The following LITAF variants were observed in gnomAD, a reference collection of about 807,000 sequenced individuals.
LITAF encodes lipopolysaccharide-induced tumor necrosis factor-alpha factor.
Under a neutral mutation model 14.5 loss-of-function variants are expected in LITAF, and 9 were observed. The observed-to-expected ratio is 0.62, with a 90% confidence interval of 0.37 to 1.08. LITAF has a LOEUF of 1.08. LITAF is among the 50% of genes least tolerant of loss of function. The pLI is 0.01. For missense variants in LITAF, 206 were observed against 213.4 expected (o/e 0.97, Z 0.22); for synonymous variants, 98 against 88.2 (o/e 1.11, Z -0.62).
intron 3 of LITAF, among the ~76,000 whole-genome samples, chr16:11,552,615 C>T (rs531194532): frequency 2.0e-5 from 3 of 152,248 alleles, no homozygotes; most frequent in Admixed American, 6.5e-5. Context: ...ACATGCAGGG[C>T]GTGGTTTCAG....
chr16:11,560,972 G>A (rs907233940), intron 1 of LITAF, among the ~76,000 whole-genome samples: 3 of 152,126 alleles, frequency 2.0e-5, no homozygotes, highest in Non-Finnish European at 4.4e-5. Flanking sequence ...AGATGACCCC[G>A]GGAACCCCTG....
chr16:11,553,402 T>C lies in LITAF; in HGVS notation c.377+131A>G. The stretch of plus-strand genomic sequence containing the variant: ...CTCCAGCCTGGGCGACAGAACCAGA[T>C]TCCATCTCAAAAAAAAACAACACAA... On this transcript the variant is annotated intron_variant, in intron 3 of 3. Coordinates refer to ENST00000622633, the MANE Select transcript of LITAF (RefSeq NM_001136472.2). This position sits in a 1 kb window ranked among gnomAD's most constrained non-coding sequence, Gnocchi z 7.7. 2.9e-6 allele frequency: 3 copies of C among 1,020,082 alleles called. No individual in the cohort carries two copies. Among genetic ancestry groups the C allele is most frequent in the South Asian group, 1.4e-5 (1 of 71,760 alleles). 63.2% of individuals were successfully genotyped at this position (1,020,082 alleles called of 1,614,324 possible).
rs748554765 is a variant in LITAF at position 11,553,630 on chromosome 16, T to C, written c.280A>G (p.Met94Val). ...PITFLDRPIQ[M>V]CCPSCNKMIV... is the part of the protein sequence containing the mutation. ...ATCTTGTTGCAGGAAGGACAACACA[T>C]TTGGATAGGGCGGTCCAAAAAGGTG... is the stretch of plus-strand genomic sequence containing the variant. Residue 94 changes from methionine to valine, a missense_variant, in exon 3 of 4, where the codon ATG (methionine) becomes GTG (valine). Transcript: ENST00000622633. This position sits in a 1 kb window ranked among gnomAD's most constrained non-coding sequence, Gnocchi z 7.7. 6.5e-5 allele frequency: 105 copies of C among 1,614,098 alleles called. 1 individual carries two copies. In the South Asian group the frequency reaches 1.1e-3, roughly 17 times the overall value.
rs1227913644 is a variant in LITAF at position 11,583,559 on chromosome 16, G to A, written c.-6+3327C>T. Among the ~76,000 whole-genome samples the A allele has an allele frequency of 2.0e-5, 3 of 152,204 alleles. No homozygotes were observed. In the East Asian group the frequency reaches 5.8e-4, roughly 29 times the overall value. ...AAGCCGCCCGATAAGGACAGCCAGT[G>A]GTAGTTGTTTCGTTCTATAAGATTA... On this transcript the variant is annotated intron_variant, in intron 1 of 3. Coordinates refer to ENST00000622633, the MANE Select transcript of LITAF (RefSeq NM_001136472.2).
intron 3 of LITAF, among the ~76,000 whole-genome samples, chr16:11,551,438 G>C (rs1218509363): frequency 1.3e-5 from 2 of 152,194 alleles, no homozygotes; most frequent in Non-Finnish European, 2.9e-5. Flanking sequence ...CAGCTAGTGA[G>C]AGGCAGGATT....
intron 3 of LITAF, chr16:11,551,662 C>CAA (rs371296032): frequency 1.6e-4 from 86 of 543,686 alleles, no homozygotes; most frequent in African/African-American, 5.5e-4. Context: ...CTTCCACACA[C>CAA]ACAAAAAAAA....
chr16:11,553,546 G>A lies in LITAF; in HGVS notation c.364C>T (p.Leu122=), dbSNP rs104894522. The change falls in exon 3 of 4, where the codon CTG becomes TTG. Residue 122 remains leucine, a synonymous_variant. Coordinates refer to ENST00000622633, the MANE Select transcript of LITAF (RefSeq NM_001136472.2). This position sits in a 1 kb window ranked among gnomAD's most constrained non-coding sequence, Gnocchi z 7.7. ...GALTWLSCGS[L]CLLGCIAGCC... is the part of the protein sequence containing the mutation. Reference sequence around the variant, plus strand: ...AGGCAGACTCACCCCAGCAGGCACAGGCTCCCGCAGGACAGCCAGGTCAGA... The same window carrying A: ...AGGCAGACTCACCCCAGCAGGCACAAGCTCCCGCAGGACAGCCAGGTCAGA... 6.2e-7 allele frequency: 1 copy of A among 1,614,126 alleles called. No individual in the cohort carries two copies. The highest frequency in any genetic ancestry group is 8.5e-7 in the Non-Finnish European group (1 of 1,180,014).
intron 1 of LITAF, among the ~76,000 whole-genome samples, chr16:11,584,654 G>A (rs558472248): frequency 4.3e-4 from 65 of 152,084 alleles, no homozygotes; most frequent in Non-Finnish European, 7.1e-4. Context: ...CTCTAACTTA[G>A]CTGCCTCCTT....
chr16:11,588,309 A>C (rs1200116754), upstream of LITAF, among the ~76,000 whole-genome samples: 1 of 152,120 alleles, frequency 6.6e-6, no homozygotes, highest in Admixed American at 6.6e-5. Flanking sequence ...AGGCTGGACA[A>C]CATAGTGAGA....
chr16:11,587,625 C>T (rs1420020896), upstream of LITAF: 4 of 242,336 alleles, frequency 1.7e-5, no homozygotes, highest in East Asian at 5.6e-4. Flanking sequence ...CCAGGGTGGT[C>T]CGTGCCGCCA....
chr16:11,568,403 C>T (rs568144028), intron 1 of LITAF, among the ~76,000 whole-genome samples: 6 of 152,172 alleles, frequency 3.9e-5, no homozygotes, highest in African/African-American at 1.4e-4. Flanking sequence ...TTCAGAAATA[C>T]TTGTCACTCC....
upstream of LITAF, among the ~76,000 whole-genome samples, chr16:11,602,761 A>C (rs1173425965): frequency 4.6e-5 from 1 of 21,718 alleles, no homozygotes; most frequent in African/African-American, 1.2e-4. Context: ...GGCTTGTTGC[A>C]AAAAAAAAAA....
chr16:11,556,849 C>G, intron 1 of LITAF, 114 bp from the exon 2 acceptor site: 1 of 924,852 alleles, frequency 1.1e-6, no homozygotes, highest in Non-Finnish European at 1.7e-6. Flanking sequence ...AAAATGACTT[C>G]CATCCAGCTT....
intron 3 of LITAF, among the ~76,000 whole-genome samples, chr16:11,608,860 G>A (rs2064967837): frequency 6.6e-6 from 1 of 152,134 alleles, no homozygotes; most frequent in Non-Finnish European, 1.5e-5. Flanking sequence ...CTACTCGGGA[G>A]GCCGAGGCAT....
At chr16:11,626,033 T>C (rs757534819) in intron 3 of LITAF, among the ~76,000 whole-genome samples, 4 of 152,152 alleles carry the variant, frequency 2.6e-5, no homozygotes, top group Non-Finnish European at 5.9e-5. Flanking sequence ...CCAGATCCCA[T>C]GCGCTTAGTA....
Position 11,558,960 on chromosome 16 carries a change from G to A in LITAF, c.-5-2225C>T, listed in dbSNP as rs2064315943. ...AAGGTTATTGGGCGTCTAAAATGTG[G>A]CTTGTGGCCGGGCACGGGGGCTCAT... On this transcript the variant is annotated intron_variant, in intron 1 of 3. Transcript: ENST00000622633. This position sits in a 1 kb window ranked among gnomAD's most constrained non-coding sequence, Gnocchi z 4.1. Among the ~76,000 whole-genome samples the A allele has an allele frequency of 6.6e-6, 1 of 152,000 alleles. No individual in the cohort carries two copies.
rs957152556 is a variant in LITAF at position 11,634,175 on chromosome 16, T to C, written c.-20-538A>G. Among the ~76,000 whole-genome samples the C allele has an allele frequency of 1.3e-5, 2 of 152,042 alleles. No individual in the cohort carries two copies. Among genetic ancestry groups the C allele is most frequent in the African/African-American group, 4.8e-5 (2 of 41,404 alleles). ...ACAGGTGAGACCATCTTTGCAAAAATTATAACAGAAAATTGTGACAGTGAA... is the reference window on the plus strand; with the variant it reads ...ACAGGTGAGACCATCTTTGCAAAAACTATAACAGAAAATTGTGACAGTGAA... On this transcript the variant is annotated intron_variant, in intron 2 of 3. Transcript: ENST00000574848. The surrounding 1 kb of genome is among the most constrained non-coding windows in gnomAD (Gnocchi z 4.1).
At chr16:11,630,667 C>T (rs570518780) in intron 3 of LITAF, among the ~76,000 whole-genome samples, 119 of 149,350 alleles carry the variant, frequency 8.0e-4, no homozygotes, top group South Asian at 3.4e-3. Flanking sequence ...CAGCCTCAAA[C>T]TCCTGGGCTC....
At position 11,553,402 on chromosome 16, in the gene LITAF, T is replaced by A; in HGVS notation, c.377+131A>T. ...CTCCAGCCTGGGCGACAGAACCAGA[T>A]TCCATCTCAAAAAAAAACAACACAA... On this transcript the variant is annotated intron_variant, in intron 3 of 3. Transcript: ENST00000622633. The surrounding 1 kb of genome is among the most constrained non-coding windows in gnomAD (Gnocchi z 7.7). 2.0e-6 allele frequency: 2 copies of A among 1,020,082 alleles called. No homozygotes were observed. Among genetic ancestry groups the A allele is most frequent in the Non-Finnish European group, 2.9e-6 (2 of 683,586 alleles). The allele number at this position is 1,020,082 out of a possible 1,614,324, so 63.2% of individuals were successfully genotyped here.
Sources: allele counts gnomAD v4.1 joint callset (sites outside exome capture counted in the v4.1 genomes callset), GRCh38; gene constraint gnomAD v4.1.1; non-coding constraint Gnocchi (gnomAD v3.1); transcripts MANE v1.5; gene names NCBI Gene and HGNC (gene_info 2026-07-23, HGNC 2026-07-21).